The following ACSS1 variants were observed in gnomAD, a reference collection of about 807,000 sequenced individuals.
The protein encoded by ACSS1 is acetyl-coenzyme A synthetase 2-like, mitochondrial.
Under a neutral mutation model 75.3 loss-of-function variants are expected in ACSS1, and 42 were observed. The ratio of observed to expected loss-of-function variants is 0.56; its 90% CI spans 0.44 to 0.72. The LOEUF (loss-of-function observed/expected upper bound fraction) is 0.72. Ranked by LOEUF, ACSS1 falls within the 30% of genes least tolerant of loss-of-function variation. ACSS1 has a pLI of 0.00. For missense variants in ACSS1, 782 were observed against 935.7 expected, an observed-to-expected ratio of 0.84 and a Z score of 2.14; for synonymous variants, 380 against 376.8, an observed-to-expected ratio of 1.01 and a Z score of -0.10.
rs1480033967 is a variant in ACSS1 at position 25,048,332 on chromosome 20, C to T, written c.335-151G>A. Reference sequence around the variant, plus strand: ...GTCCTCATCAGTGATGATGTTTCTACCCCCTTGCAAGGAGAAGGGTGAACA... The same window carrying T: ...GTCCTCATCAGTGATGATGTTTCTATCCCCTTGCAAGGAGAAGGGTGAACA... On this transcript the variant is annotated intron_variant, in intron 1 of 13. Coordinates refer to ENST00000323482, the MANE Select transcript of ACSS1 (RefSeq NM_032501.4). 1.4e-5 allele frequency: 9 copies of T among 634,476 alleles called. No homozygotes were observed. The Admixed American group carries it at 1.6e-4, about 12-fold the overall frequency. 39.3% of individuals were successfully genotyped at this position (634,476 alleles called of 1,614,324 possible).
chr20:25,008,434 C>G (rs952165515), intron 13 of ACSS1, among the ~76,000 whole-genome samples: 1 of 152,208 alleles, frequency 6.6e-6, no homozygotes, highest in Admixed American at 6.5e-5. Context: ...GCATTAAGAG[C>G]TGTGTTTGGG....
At chr20:25,012,708 G>A in intron 11 of ACSS1, 44 bp from the exon 12 acceptor site, 1 of 1,613,918 alleles carries the variant, frequency 6.2e-7, no homozygotes, top group Non-Finnish European at 8.5e-7. Flanking sequence ...GGCGGCCCCG[G>A]GTGCTAGAAG....
In ACSS1 at chr20:25,013,558, G is replaced by A. The variant is rs139870683; in HGVS notation, c.1557C>T (p.Asp519=). Residue 519 remains aspartate (D), a synonymous_variant, in exon 10 of 14, where the codon GAC becomes GAT. Transcript: ENST00000323482. Reference sequence around the variant, plus strand: ...CACCTGGGTAGGCCTTGAAGTAGGCGTCCACAAATCGCTGGTGGTCGCCAT... The same window carrying A: ...CACCTGGGTAGGCCTTGAAGTAGGCATCCACAAATCGCTGGTGGTCGCCAT... The part of the protein sequence containing the change: ...TIYGDHQRFV[D]AYFKAYPGYY... The A allele has an allele frequency of 9.3e-5, 149 of 1,603,786 alleles. No individual in the cohort carries two copies. Among genetic ancestry groups the A allele is most frequent in the African/African-American group, 6.1e-4 (46 of 74,890 alleles).
At chr20:25,055,381 A>G (rs1309089761) in intron 1 of ACSS1, among the ~76,000 whole-genome samples, 1 of 152,240 alleles carries the variant, frequency 6.6e-6, no homozygotes, top group Non-Finnish European at 1.5e-5. Context: ...AACCCGAGTC[A>G]TGATTCTAAA....
chr20:25,007,913 G>A lies in ACSS1; in HGVS notation c.1919C>T (p.Ser640Phe). 2 of 1,614,202 alleles carry A rather than the reference G, an allele frequency of 1.2e-6. No homozygotes were observed. The highest frequency in any genetic ancestry group is 1.7e-6 in the Non-Finnish European group (2 of 1,180,028). The stretch of plus-strand genomic sequence containing the variant: ...CAGGAGCCGCCGCATGACCTTCCCA[G>A]ACCTGGTTTTTGGAAGACGTTTCAC... The part of the protein sequence containing the change: ...LVVKRLPKTR[S>F]GKVMRRLLRK... Residue 640 changes from serine to phenylalanine, a missense_variant, in exon 14 of 14, where the codon TCT (serine) becomes TTT (phenylalanine). Transcript: ENST00000323482.
intron 13 of ACSS1, 115 bp downstream of exon 13, chr20:25,009,155 G>T: frequency 2.1e-6 from 2 of 937,910 alleles, no homozygotes; most frequent in African/African-American, 1.6e-5. Flanking sequence ...CAAACAGCTA[G>T]TGTCCGTTTT....
In ACSS1 at chr20:25,041,829, G is replaced by A. The variant is rs150791248; in HGVS notation, c.431+6256C>T. The stretch of plus-strand genomic sequence containing the variant: ...TCAGGGTGAAGACCAGAGCCTGTTA[G>A]TTACAGCAGATTTTGAACAGCTGTG... On this transcript the variant is annotated intron_variant, in intron 2 of 13. Coordinates refer to ENST00000323482, the MANE Select transcript of ACSS1 (RefSeq NM_032501.4). Among the ~76,000 whole-genome samples the A allele has an allele frequency of 3.1e-4, 47 of 152,368 alleles. No individual in the cohort carries two copies. The East Asian group carries it at 9.1e-3, about 29-fold the overall frequency.
intron 3 of ACSS1, among the ~76,000 whole-genome samples, chr20:25,027,581 C>T (rs1315844657): frequency 6.6e-6 from 1 of 151,952 alleles, no homozygotes; most frequent in Non-Finnish European, 1.5e-5. Flanking sequence ...AATCCAACAC[C>T]CTTTGATGAT....
chr20:25,013,829 G>T (rs2088465830), intron 9 of ACSS1, 132 bp downstream of exon 9: 3 of 1,316,128 alleles, frequency 2.3e-6, no homozygotes, highest in African/African-American at 1.5e-5. Context: ...GATACCAGCT[G>T]CAGTGAACGC....
At chr20:25,057,449 C>G (rs1318091099) in intron 1 of ACSS1, among the ~76,000 whole-genome samples, 3 of 152,232 alleles carry the variant, frequency 2.0e-5, no homozygotes, top group African/African-American at 7.2e-5. Context: ...CGGCGCTATG[C>G]ACCCGGTAAC....
Position 25,057,889 on chromosome 20 carries a change from A to G in ACSS1, c.214T>C (p.Phe72Leu). Reference protein sequence around the residue: ...SAQAAREPAAFWGPLARDTLV... With the variant: ...SAQAAREPAALWGPLARDTLV... ...GTGTCCCGCGCCAGAGGCCCCCAGA[A>G]GGCGGCCGGCTCCCGGGCTGCCTGT... The change falls in exon 1 of 14, where the codon TTC becomes CTC. Residue 72 changes from phenylalanine to leucine, a missense_variant. Transcript: ENST00000323482. 1 of 1,612,312 alleles carries G rather than the reference A, an allele frequency of 6.2e-7. No homozygotes were observed. The highest frequency in any genetic ancestry group is 8.5e-7 in the Non-Finnish European group (1 of 1,179,594).
chr20:25,027,487 C>A (rs2088740572), intron 3 of ACSS1, among the ~76,000 whole-genome samples: 1 of 152,130 alleles, frequency 6.6e-6, no homozygotes, highest in South Asian at 2.1e-4. Context: ...GTTCAACATG[C>A]AACAATTAAT....
At chr20:25,021,681 C>T in intron 5 of ACSS1, 145 bp from the exon 6 acceptor site, 3 of 976,070 alleles carry the variant, frequency 3.1e-6, no homozygotes, top group Non-Finnish European at 3.0e-6. Context: ...AGCAGCAGGA[C>T]AGGTGGGCAC....
intron 8 of ACSS1, 116 bp downstream of exon 8, chr20:25,015,013 AGTCTCGGGC>A: frequency 4.0e-6 from 3 of 742,442 alleles, no homozygotes; most frequent in Non-Finnish European, 6.2e-6. Context: ...GGGTTTCCGC[AGTCTCGGGC>A]GTTGAAGCGT....
rs746173702 is a variant in ACSS1 at position 25,012,626 on chromosome 20, G to A, written c.1746C>T (p.Gly582=). The part of the protein sequence containing the change: ...HPAVPESAVI[G]YPHDIKGEAA... ...CTTCTCCTTTGATGTCGTGGGGGTA[G>A]CCAATGACAGCACTTTCTGGTACTG... The change falls in exon 12 of 14, where the codon GGC becomes GGT. Residue 582 remains glycine, a synonymous_variant. Coordinates refer to ENST00000323482, the MANE Select transcript of ACSS1 (RefSeq NM_032501.4). The A allele has an allele frequency of 6.2e-7, 1 of 1,614,238 alleles. No individual in the cohort carries two copies. The highest frequency in any genetic ancestry group is 2.2e-5 in the East Asian group (1 of 44,880).
At chr20:25,043,204 A>C (rs1233281774) in intron 2 of ACSS1, among the ~76,000 whole-genome samples, 1 of 152,130 alleles carries the variant, frequency 6.6e-6, no homozygotes, top group Non-Finnish European at 1.5e-5. Context: ...TCTGCCTCTC[A>C]AAACTCAACC....
At chr20:25,009,696 T>A (rs1055735960) in intron 12 of ACSS1, 1 of 352,804 alleles carries the variant, frequency 2.8e-6, no homozygotes, top group Non-Finnish European at 5.3e-6. Context: ...CCCCTCTCTG[T>A]GTACACATCT....
intron 8 of ACSS1, among the ~76,000 whole-genome samples, chr20:25,014,559 C>T (rs1054131044): frequency 9.9e-5 from 15 of 152,204 alleles, no homozygotes; most frequent in African/African-American, 3.6e-4. Context: ...ATGGGAACGC[C>T]TCATTTTCTG....
chr20:25,031,392 A>T (rs1340105449), intron 2 of ACSS1, among the ~76,000 whole-genome samples: 1 of 152,188 alleles, frequency 6.6e-6, no homozygotes. Context: ...CAACAACAGA[A>T]TGTCCAGATG....
Sources: allele counts gnomAD v4.1 joint callset (sites outside exome capture counted in the v4.1 genomes callset), GRCh38; gene constraint gnomAD v4.1.1; transcripts MANE v1.5; gene names NCBI Gene and HGNC (gene_info 2026-07-23, HGNC 2026-07-21).